STRA6: variants seen among roughly 807,000 people sequenced by gnomAD.
STRA6 encodes the protein receptor for retinol uptake STRA6.
STRA6 carries 48 observed loss-of-function variants against 83.6 expected under a neutral mutation model. The ratio of observed to expected loss-of-function variants is 0.57; its 90% CI spans 0.46 to 0.73. The LOEUF is 0.73. STRA6 is among the 30% of genes least tolerant of loss of function. The probability of loss-of-function intolerance (pLI) is 0.00; values close to 1 mark genes in which losing one functional copy is unlikely to be tolerated. For missense variants in STRA6, 760 were observed against 838.8 expected, an observed-to-expected ratio of 0.91 and a Z score of 1.16; for synonymous variants, 353 against 362.3, an observed-to-expected ratio of 0.97 and a Z score of 0.29.
chr15:74,209,208 C>T (rs938963162), upstream of STRA6: 56 of 1,021,652 alleles, frequency 5.5e-5, no homozygotes, highest in Non-Finnish European at 4.6e-5. Context: ...TTGTCTCCAG[C>T]GGTATAGCCT....
intron 5 of STRA6, 79 bp from the exon 6 acceptor site, chr15:74,195,754 G>A (rs767414128): frequency 5.2e-5 from 47 of 907,680 alleles, no homozygotes; most frequent in Admixed American, 3.1e-4. Context: ...CATGGTGCCT[G>A]AGCAAATACT....
chr15:74,196,291 C>T (rs2073818108), intron 4 of STRA6, 144 bp from the exon 5 acceptor site: 1 of 1,305,400 alleles, frequency 7.7e-7, no homozygotes, highest in Non-Finnish European at 1.1e-6. Context: ...TTCATTCATT[C>T]CATAGATATT....
intron 1 of STRA6, 48 bp from the exon 2 acceptor site, chr15:74,202,330 G>C: frequency 3.8e-6 from 6 of 1,580,138 alleles, no homozygotes; most frequent in Non-Finnish European, 5.1e-6. Context: ...GATGTGAAAA[G>C]AGGCTTAAAA....
chr15:74,207,777 G>A (rs1004114010), upstream of STRA6: 5 of 1,535,608 alleles, frequency 3.3e-6, no homozygotes, highest in African/African-American at 6.8e-5. Flanking sequence ...AGCTTGGGGT[G>A]TGCCCTCAGT....
intron 6 of STRA6, 23 bp downstream of exon 6, chr15:74,195,629 C>G (rs2073777826): frequency 6.5e-7 from 1 of 1,543,560 alleles, no homozygotes; most frequent in African/African-American, 1.4e-5. Flanking sequence ...CTAGTCTCAA[C>G]TCTGTGATCT....
chr15:74,209,722 T>C (rs929796437), upstream of STRA6: 2 of 414,100 alleles, frequency 4.8e-6, no homozygotes, highest in Non-Finnish European at 8.6e-6. Context: ...TCCCTACCCC[T>C]CCCTCCCCTT....
rs370713890 is a variant in STRA6, at chr15:74,195,295, C to T, written c.597+7G>A. 1.3e-4 allele frequency: 211 copies of T among 1,611,630 alleles called. No homozygotes were observed. Among genetic ancestry groups the T allele is most frequent in the South Asian group, 8.5e-4 (77 of 90,850 alleles). On this transcript the variant is annotated splice_region_variant and intron_variant, in intron 7 of 18. Coordinates refer to ENST00000395105, the MANE Select transcript of STRA6 (RefSeq NM_022369.4). ...CTCTGCCCTAGGCCATTGTGATCAG[C>T]GGTTACCTTGGGCACCTGGGGACAC... is the stretch of plus-strand genomic sequence containing the variant.
At chr15:74,201,219 A>C (rs1409305677) in intron 2 of STRA6, among the ~76,000 whole-genome samples, 1 of 152,174 alleles carries the variant, frequency 6.6e-6, no homozygotes, top group African/African-American at 2.4e-5. Flanking sequence ...CCGCAGCCCC[A>C]GCCCCTGGGG....
intron 2 of STRA6, among the ~76,000 whole-genome samples, chr15:74,201,568 C>T (rs2074066120): frequency 6.6e-6 from 1 of 152,142 alleles, no homozygotes; most frequent in South Asian, 2.1e-4. Context: ...TGCTCCCACC[C>T]TCACCTGGGC....
intron 2 of STRA6, among the ~76,000 whole-genome samples, chr15:74,201,800 G>C (rs528975712): frequency 1.1e-4 from 16 of 152,230 alleles, no homozygotes; most frequent in African/African-American, 3.6e-4. Context: ...AGGGAGGTCT[G>C]CTTGCCTCAA....
chr15:74,203,154 C>T (rs1595866240), upstream of STRA6: 4 of 985,558 alleles, frequency 4.1e-6, no homozygotes, highest in African/African-American at 1.7e-5. Flanking sequence ...GGAATCTGTC[C>T]GTTTCTTCTC....
At chr15:74,189,342 G>A (rs1159786359) in intron 11 of STRA6, 65 bp from the exon 12 acceptor site, 15 of 1,545,462 alleles carry the variant, frequency 9.7e-6, no homozygotes, top group South Asian at 3.6e-5. Context: ...CAGGGGAGAC[G>A]CTGGGGAAGA....
chr15:74,184,088 C>T, intron 13 of STRA6, 99 bp from the exon 14 acceptor site: 1 of 1,546,016 alleles, frequency 6.5e-7, no homozygotes, highest in Non-Finnish European at 8.8e-7. Context: ...AATAGAATTT[C>T]AACTCACAGC....
At chr15:74,191,385 C>T (rs1035058577) in intron 9 of STRA6, 39 bp downstream of exon 9, 1 of 1,610,788 alleles carries the variant, frequency 6.2e-7, no homozygotes, top group Non-Finnish European at 8.5e-7. Context: ...CTAACCAGCC[C>T]AATCCATTGG....
chr15:74,195,719 G>A, intron 5 of STRA6, 44 bp from the exon 6 acceptor site: 1 of 1,037,706 alleles, frequency 9.6e-7, no homozygotes, highest in Non-Finnish European at 1.5e-6. Flanking sequence ...AGGGCAAAAT[G>A]AGAAGGTGGA....
At position 74,181,282 on chromosome 15, in the gene STRA6, C is replaced by G; in HGVS notation, c.1684+13G>C. 1 of 1,612,620 alleles carries G rather than the reference C, an allele frequency of 6.2e-7. No individual in the cohort carries two copies. The highest frequency in any genetic ancestry group is 8.5e-7 in the Non-Finnish European group (1 of 1,179,778). On this transcript the variant is annotated intron_variant, in intron 17 of 18. Transcript: ENST00000395105. ...AGCCTGAGCAATCCTCCAGCCCCGC[C>G]CAGTGACCTTACCGGGGTCGAGAGT...
upstream of STRA6, among the ~76,000 whole-genome samples, chr15:74,206,960 G>A (rs1378700223): frequency 6.6e-6 from 1 of 152,214 alleles, no homozygotes; most frequent in African/African-American, 2.4e-5. Flanking sequence ...GCTCACTATG[G>A]GAGGAGGTCC....
chr15:74,199,186 G>A (rs886316096), intron 2 of STRA6, among the ~76,000 whole-genome samples: 1 of 152,368 alleles, frequency 6.6e-6, no homozygotes, highest in Admixed American at 6.5e-5. Flanking sequence ...ATGAAGAGAG[G>A]CATCAAGGCT....
chr15:74,209,227 C>T (rs913245195), upstream of STRA6: 1 of 1,112,528 alleles, frequency 9.0e-7, no homozygotes, highest in Non-Finnish European at 1.3e-6. Context: ...CTCTCCACAC[C>T]CCCAAACCGT....
Sources: gnomAD v4.1 joint callset for allele counts (sites outside exome capture counted in the v4.1 genomes callset) on GRCh38, gnomAD v4.1.1 for gene constraint, MANE v1.5 for transcripts, NCBI Gene and HGNC (gene_info 2026-07-23, HGNC 2026-07-21) for gene names.